Variants in INO80D observed in about 807,000 individuals in gnomAD.
The protein encoded by INO80D is INO80 complex subunit D.
Under a neutral mutation model 87.6 loss-of-function variants are expected in INO80D, and 21 were observed. The ratio of observed to expected loss-of-function variants is 0.24; its 90% CI spans 0.17 to 0.35. The LOEUF (loss-of-function observed/expected upper bound fraction) is 0.35. Among genes scored for constraint, INO80D ranks in the 10% least tolerant of loss-of-function variants. INO80D has a pLI of 1.00. For missense variants in INO80D, 982 were observed against 1,280.7 expected, an observed-to-expected ratio of 0.77 and a Z score of 3.56; for synonymous variants, 440 against 491.0, an observed-to-expected ratio of 0.90 and a Z score of 1.37.
chr2:206,014,408 G>A (rs930788309), intron 8 of INO80D, among the ~76,000 whole-genome samples: 5 of 152,154 alleles, frequency 3.3e-5, no homozygotes, highest in African/African-American at 1.2e-4. Flanking sequence ...TGTTGTGGGA[G>A]GGAGACAGTG....
chr2:206,002,121 A>C lies in INO80D; in HGVS notation c.*2247T>G, dbSNP rs148972756. ...GAGGAAGTCAATGTGCTGCTCTGCGACAACCTTTAAATACACAATGGAGAC... is the reference window on the plus strand; with the variant it reads ...GAGGAAGTCAATGTGCTGCTCTGCGCCAACCTTTAAATACACAATGGAGAC... On this transcript the variant is annotated 3_prime_UTR_variant, in exon 11 of 11. Coordinates refer to ENST00000403263, the MANE Select transcript of INO80D (RefSeq NM_017759.5). 5 of 152,324 alleles carry C rather than the reference A, an allele frequency of 3.3e-5. No individual in the cohort carries two copies. The highest frequency in any genetic ancestry group is 2.6e-4 in the Admixed American group (4 of 15,302). 9.4% of individuals were successfully genotyped at this position (152,324 alleles called of 1,614,324 possible).
At chr2:206,039,353 C>A (rs970273760) in intron 5 of INO80D, among the ~76,000 whole-genome samples, 2 of 151,656 alleles carry the variant, frequency 1.3e-5, no homozygotes, top group African/African-American at 4.8e-5. Flanking sequence ...GCCGAGATTG[C>A]GCCATTGTAC....
chr2:206,070,027 A>C (rs1164783169), intron 1 of INO80D, among the ~76,000 whole-genome samples: 2 of 152,178 alleles, frequency 1.3e-5, no homozygotes, highest in Admixed American at 1.3e-4. Context: ...TAATCCCAGC[A>C]CTTTGGGAGG....
At chr2:206,060,872 T>C (rs1435916378) in intron 3 of INO80D, among the ~76,000 whole-genome samples, 1 of 151,682 alleles carries the variant, frequency 6.6e-6, no homozygotes. Flanking sequence ...TTAGTACTTA[T>C]TAAGCACAGC....
intron 1 of INO80D, among the ~76,000 whole-genome samples, chr2:206,082,773 C>A (rs1396954261): frequency 6.6e-6 from 1 of 152,176 alleles, no homozygotes; most frequent in African/African-American, 2.4e-5. Flanking sequence ...GAGCTGCTAA[C>A]CCTCAGAGAA....
chr2:206,081,756 C>CAAAAAAAA (rs756168296), intron 1 of INO80D, among the ~76,000 whole-genome samples: 1 of 75,280 alleles, frequency 1.3e-5, no homozygotes. Flanking sequence ...GACCCTGTCT[C>CAAAAAAAA]AAAAAAAAAA....
intron 1 of INO80D, among the ~76,000 whole-genome samples, chr2:206,065,512 G>A (rs539203919): frequency 8.6e-5 from 13 of 151,890 alleles, no homozygotes; most frequent in Non-Finnish European, 1.9e-4. Context: ...GAAAAGTACA[G>A]ACAATAAGGT....
At chr2:206,007,145 A>G in intron 10 of INO80D, 139 bp downstream of exon 10, 3 of 708,542 alleles carry the variant, frequency 4.2e-6, no homozygotes, top group Non-Finnish European at 7.0e-6. Flanking sequence ...AAATAGCTGC[A>G]GTGGCATTAT....
In INO80D at chr2:206,062,982, A is replaced by G. The variant is rs377017719; in HGVS notation, c.35T>C (p.Val12Ala). 3.7e-6 allele frequency: 6 copies of G among 1,612,530 alleles called. No homozygotes were observed. In the African/African-American group the frequency reaches 6.7e-5, roughly 18 times the overall value. Residue 12 changes from valine (V) to alanine (A), a missense_variant, in exon 3 of 11, where the codon GTT becomes GCT. By Grantham distance (64) the Val-to-Ala change is moderately conservative (BLOSUM62 0). Transcript: ENST00000403263. The surrounding 1 kb of genome is among the most constrained non-coding windows in gnomAD (Gnocchi z 4.6). Reference protein sequence around the residue: ...YEGKHIHFSEVDNKPLCSYSP... With the variant: ...YEGKHIHFSEADNKPLCSYSP... ...ATATGAGCACAAGGGCTTATTGTCA[A>G]CCTCAGAGAAGTGTATATGTTTCCC...
Position 206,002,098 on chromosome 2 carries a change from G to A in INO80D, c.*2270C>T, listed in dbSNP as rs1377240724. 6.6e-6 allele frequency: 1 copy of A among 152,164 alleles called. No homozygotes were observed. The highest frequency in any genetic ancestry group is 1.5e-5 in the Non-Finnish European group (1 of 68,052). The allele number at this position is 152,164 out of a possible 1,614,324, so 9.4% of individuals were successfully genotyped here. On this transcript the variant is annotated 3_prime_UTR_variant, in exon 11 of 11. Coordinates refer to ENST00000403263, the MANE Select transcript of INO80D (RefSeq NM_017759.5). Reference sequence around the variant, plus strand: ...CCCTTCCTTGTCAAAGGGCTGATGAGGAAGTCAATGTGCTGCTCTGCGACA... The same window carrying A: ...CCCTTCCTTGTCAAAGGGCTGATGAAGAAGTCAATGTGCTGCTCTGCGACA...
chr2:206,013,735 G>A (rs1032432464), intron 8 of INO80D, among the ~76,000 whole-genome samples: 18 of 150,682 alleles, frequency 1.2e-4, no homozygotes, highest in African/African-American at 3.9e-4. Context: ...TGATTTGAAA[G>A]CTACAGGGCC....
At chr2:206,042,219 T>C (rs952707750) in intron 5 of INO80D, among the ~76,000 whole-genome samples, 1 of 152,090 alleles carries the variant, frequency 6.6e-6, no homozygotes, top group Non-Finnish European at 1.5e-5. Flanking sequence ...GGGAAGTGTA[T>C]AACATGAAGA....
intron 4 of INO80D, among the ~76,000 whole-genome samples, chr2:206,047,257 C>A (rs1468584256): frequency 1.3e-5 from 2 of 152,084 alleles, no homozygotes; most frequent in Non-Finnish European, 2.9e-5. Context: ...TGCTCTGTCA[C>A]CTAGGCTGGA....
At chr2:206,048,622 A>G (rs1034643710) in intron 4 of INO80D, among the ~76,000 whole-genome samples, 1 of 152,178 alleles carries the variant, frequency 6.6e-6, no homozygotes, top group Non-Finnish European at 1.5e-5. Context: ...GGCCAGGTGC[A>G]CCGGCTCATG....
intron 1 of INO80D, among the ~76,000 whole-genome samples, chr2:206,071,017 G>A (rs1689950431): frequency 1.3e-5 from 2 of 151,498 alleles, no homozygotes; most frequent in African/African-American, 2.4e-5. Flanking sequence ...GAGTGCAATG[G>A]CACGATCTCA....
At chr2:206,061,854 T>G (rs997967652) in intron 3 of INO80D, among the ~76,000 whole-genome samples, 3 of 152,226 alleles carry the variant, frequency 2.0e-5, no homozygotes, top group African/African-American at 7.2e-5. Flanking sequence ...GTGTGTGTGT[T>G]TTAAGATAGA....
Position 206,007,409 on chromosome 2 carries a change from T to A in INO80D, c.1793A>T (p.Glu598Val). Reference protein sequence around the residue: ...SPSTPELSADELPDDIANEIT... With the variant: ...SPSTPELSADVLPDDIANEIT... ...CTCATTGGCAATGTCATCCGGCAACTCATCAGCACTCAGCTCTGGCGTGGA... is the reference window on the plus strand; with the variant it reads ...CTCATTGGCAATGTCATCCGGCAACACATCAGCACTCAGCTCTGGCGTGGA... The change falls in exon 10 of 11, where the codon GAG becomes GTG. Residue 598 changes from glutamate to valine, a missense_variant. Transcript: ENST00000403263. The A allele has an allele frequency of 6.2e-7, 1 of 1,613,656 alleles. No individual in the cohort carries two copies. The highest frequency in any genetic ancestry group is 1.1e-5 in the South Asian group (1 of 90,954).
At chr2:206,077,819 C>A (rs1047159767) in intron 1 of INO80D, among the ~76,000 whole-genome samples, 4 of 152,040 alleles carry the variant, frequency 2.6e-5, no homozygotes, top group Non-Finnish European at 5.9e-5. Context: ...CTAACTGGAC[C>A]TCTCTGCAGC....
At chr2:206,082,082 G>A (rs1256573280) in intron 1 of INO80D, among the ~76,000 whole-genome samples, 1 of 152,186 alleles carries the variant, frequency 6.6e-6, no homozygotes, top group Non-Finnish European at 1.5e-5. Context: ...ATGCAATGGT[G>A]CAATCCTGGC....
Sources: gnomAD v4.1 joint callset for allele counts (sites outside exome capture counted in the v4.1 genomes callset) on GRCh38, gnomAD v4.1.1 for gene constraint, Gnocchi (gnomAD v3.1) non-coding constraint, MANE v1.5 for transcripts, NCBI Gene and HGNC (gene_info 2026-07-23, HGNC 2026-07-21) for gene names.